The following IFNA17 variants were observed in gnomAD, a reference collection of about 807,000 sequenced individuals.
IFNA17 encodes interferon alpha-17.
For missense variants in IFNA17, 285 were observed against 212.7 expected (o/e 1.34, Z -2.11); for synonymous variants, 107 against 80.5 (o/e 1.33, Z -1.76).
Position 21,227,456 on chromosome 9 carries a change from A to G in IFNA17, c.*148T>C. On this transcript the variant is annotated 3_prime_UTR_variant, in exon 1 of 1. Coordinates refer to ENST00000413767, the MANE Select transcript of IFNA17 (RefSeq NM_021268.2). Reference sequence around the variant, plus strand: ...AGTACTAGTGCCTGCACAGGTATACACGACGCTTCTTTACACTGCTGAAAA... The same window carrying G: ...AGTACTAGTGCCTGCACAGGTATACGCGACGCTTCTTTACACTGCTGAAAA... 2 of 1,239,164 alleles carry G rather than the reference A, an allele frequency of 1.6e-6. No individual in the cohort carries two copies. The highest frequency in any genetic ancestry group is 1.1e-6 in the Non-Finnish European group (1 of 889,684). The allele number at this position is 1,239,164 out of a possible 1,614,324, so 76.8% of individuals were successfully genotyped here.
rs950938848 is a variant in IFNA17, at chr9:21,227,628, T to A, written c.546A>T (p.Gln182His). The A allele has an allele frequency of 4.3e-6, 7 of 1,612,130 alleles. No individual in the cohort carries two copies. In the African/African-American group the frequency reaches 9.4e-5, roughly 22 times the overall value. Reference sequence around the variant, plus strand: ...TTCAATCCTTCCTCCTTAATATTTTTTGCAAGTTTGTTGAAAAAGAGAGAG... The same window carrying A: ...TTCAATCCTTCCTCCTTAATATTTTATGCAAGTTTGTTGAAAAAGAGAGAG... ...MRSLSFSTNL[Q>H]KILRRKD Residue 182 changes from glutamine to histidine, a missense_variant, in exon 1 of 1, where the codon CAA (glutamine) becomes CAT (histidine). Gln to His is a conservative substitution (Grantham distance 24). Coordinates refer to ENST00000413767, the MANE Select transcript of IFNA17 (RefSeq NM_021268.2).
chr9:21,227,359 T>G lies in IFNA17; in HGVS notation c.*245A>C, dbSNP rs1405532064. On this transcript the variant is annotated 3_prime_UTR_variant, in exon 1 of 1. Transcript: ENST00000413767. Reference sequence around the variant, plus strand: ...CATGATATTACATAAAAAAATAATTTAAATCTTAAAAATAATTAAATAAAT... The same window carrying G: ...CATGATATTACATAAAAAAATAATTGAAATCTTAAAAATAATTAAATAAAT... The G allele has an allele frequency of 8.7e-6, 2 of 228,740 alleles. No homozygotes were observed. The highest frequency in any genetic ancestry group is 1.2e-4 in the Admixed American group (2 of 17,078). 14.2% of individuals were successfully genotyped at this position (228,740 alleles called of 1,614,324 possible).
chr9:21,228,114 A>T, the IFNA17 span: 11 of 1,614,096 alleles, frequency 6.8e-6, no homozygotes, highest in Non-Finnish European at 9.3e-6. Flanking sequence ...AGCCTAGAGA[A>T]CAGATGGATT....
Position 21,227,973 on chromosome 9 carries a change from A to T in IFNA17, c.201T>A (p.Asp67Glu), listed in dbSNP as rs1818651673. 1 of 1,614,054 alleles carries T rather than the reference A, an allele frequency of 6.2e-7. No homozygotes were observed. The highest frequency in any genetic ancestry group is 8.5e-7 in the Non-Finnish European group (1 of 1,179,994). Reference sequence around the variant, plus strand: ...CTTGAGTCTTCTGGAACTGGTTGCCATCAAACTCCTCCTGGGGAAGTCCAA... The same window carrying T: ...CTTGAGTCTTCTGGAACTGGTTGCCTTCAAACTCCTCCTGGGGAAGTCCAA... ...HDFGLPQEEF[D>E]GNQFQKTQAI... The change falls in exon 1 of 1, where the codon GAT (aspartate) becomes GAA (glutamate). Residue 67 changes from aspartate (D) to glutamate (E), a missense_variant. Transcript: ENST00000413767.
Position 21,227,638 on chromosome 9 carries a change from G to C in IFNA17, c.536C>G (p.Thr179Arg). The C allele has an allele frequency of 6.2e-7, 1 of 1,611,418 alleles. No homozygotes were observed. Among genetic ancestry groups the C allele is most frequent in the Non-Finnish European group, 8.5e-7 (1 of 1,179,460 alleles). The change falls in exon 1 of 1, where the codon ACA (threonine) becomes AGA (arginine). Residue 179 changes from threonine to arginine, a missense_variant. Physicochemically the swap from Thr to Arg is moderately conservative, Grantham distance 71. Coordinates refer to ENST00000413767, the MANE Select transcript of IFNA17 (RefSeq NM_021268.2). The stretch of plus-strand genomic sequence containing the variant: ...CCTCCTTAATATTTTTTGCAAGTTT[G>C]TTGAAAAAGAGAGAGATCTCATGAT... ...AEIMRSLSFS[T>R]NLQKILRRKD is the part of the protein sequence containing the mutation.
In IFNA17 at chr9:21,227,719, A is replaced by G; in HGVS notation, c.455T>C (p.Leu152Pro). ...AVRKYFQRIT[L>P]YLTEKKYSPC... ...GCTGTATTTCTTCTCTGTTAGATAAAGAGTGATTCTTTGGAAGTATTTCCT... is the reference window on the plus strand; with the variant it reads ...GCTGTATTTCTTCTCTGTTAGATAAGGAGTGATTCTTTGGAAGTATTTCCT... Residue 152 changes from leucine (L) to proline (P), a missense_variant, in exon 1 of 1, where the codon CTT becomes CCT. Leu to Pro is a moderately conservative substitution (Grantham distance 98). Coordinates refer to ENST00000413767, the MANE Select transcript of IFNA17 (RefSeq NM_021268.2). 1.2e-6 allele frequency: 2 copies of G among 1,614,052 alleles called. No homozygotes were observed. Among genetic ancestry groups the G allele is most frequent in the Non-Finnish European group, 1.7e-6 (2 of 1,179,964 alleles).
In IFNA17 at chr9:21,228,041, C is replaced by G. The variant is rs12552812; in HGVS notation, c.133G>C (p.Gly45Arg). ...AGGCAGGAGAAAGGAGAGATTCTTC[C>G]CATTTGTGCCAGGAGTATCAAGGCC... ...RRALILLAQM[G>R]RISPFSCLKD... The change falls in exon 1 of 1, where the codon GGA becomes CGA. Residue 45 changes from glycine (G) to arginine (R), a missense_variant. Coordinates refer to ENST00000413767, the MANE Select transcript of IFNA17 (RefSeq NM_021268.2). 0.19 allele frequency: 306,357 copies of G among 1,613,294 alleles called. 34,309 individuals are homozygous for G. The highest frequency in any genetic ancestry group is 0.54 in the East Asian group (24,338 of 44,814).
Position 21,227,889 on chromosome 9 carries a change from G to A in IFNA17, c.285C>T (p.Asp95=), listed in dbSNP as rs1298510141. ...GGCTCTGTTCCCAAGCAGCAGATGA[G>A]TCCTCTGTGCTGAAGAGATTGAAGG... The part of the protein sequence containing the change: ...QQTFNLFSTE[D]SSAAWEQSLL... The change falls in exon 1 of 1, where the codon GAC becomes GAT. Residue 95 remains aspartate, a synonymous_variant. Coordinates refer to ENST00000413767, the MANE Select transcript of IFNA17 (RefSeq NM_021268.2). 20 of 1,613,814 alleles carry A rather than the reference G, an allele frequency of 1.2e-5. No homozygotes were observed. Among genetic ancestry groups the A allele is most frequent in the African/African-American group, 2.7e-5 (2 of 74,998 alleles).
rs1200295622 is a variant in IFNA17 at position 21,228,056 on chromosome 9, G to A, written c.118C>T (p.Leu40Phe). Residue 40 changes from leucine (L) to phenylalanine (F), a missense_variant, in exon 1 of 1, where the codon CTC becomes TTC. Physicochemically the swap from Leu to Phe is conservative, Grantham distance 22 (BLOSUM62 0). Coordinates refer to ENST00000413767, the MANE Select transcript of IFNA17 (RefSeq NM_021268.2). The stretch of plus-strand genomic sequence containing the variant: ...GAGATTCTTCCCATTTGTGCCAGGA[G>A]TATCAAGGCCCTCCTATTACCCAGG... ...HSLGNRRALI[L>F]LAQMGRISPF... 3.7e-6 allele frequency: 6 copies of A among 1,613,988 alleles called. No homozygotes were observed. The highest frequency in any genetic ancestry group is 5.1e-6 in the Non-Finnish European group (6 of 1,180,036).
Position 21,227,922 on chromosome 9 carries a change from G to T in IFNA17, c.252C>A (p.Ile84=). The change falls in exon 1 of 1, where the codon ATC becomes ATA. Residue 84 remains isoleucine (I), a synonymous_variant. Coordinates refer to ENST00000413767, the MANE Select transcript of IFNA17 (RefSeq NM_021268.2). The part of the protein sequence containing the change: ...TQAISVLHEM[I]QQTFNLFSTE... ...TGCTGAAGAGATTGAAGGTCTGCTG[G>T]ATCATCTCATGGAGGACAGAGATGG... 1 of 1,613,856 alleles carries T rather than the reference G, an allele frequency of 6.2e-7. No homozygotes were observed.
rs1197738464 is a variant in IFNA17, at chr9:21,227,538, A to G, written c.*66T>C. 6.3e-7 allele frequency: 1 copy of G among 1,586,970 alleles called. No homozygotes were observed. The highest frequency in any genetic ancestry group is 8.5e-7 in the Non-Finnish European group (1 of 1,170,046). ...TTATAGAAGTGAGTCTTTGAAATGG[A>G]GGAACTCATGAAAGTGTGAGATAAT... On this transcript the variant is annotated 3_prime_UTR_variant, in exon 1 of 1. Transcript: ENST00000413767.
rs377248283 is a variant in IFNA17 at position 21,228,022 on chromosome 9, G to T, written c.152C>A (p.Ser51Tyr). ...AAAGTCATGTCTGTCCTTCAGGCAG[G>T]AGAAAGGAGAGATTCTTCCCATTTG... ...LAQMGRISPF[S>Y]CLKDRHDFGL... is the part of the protein sequence containing the mutation. The change falls in exon 1 of 1, where the codon TCC becomes TAC. Residue 51 changes from serine to tyrosine, a missense_variant. Physicochemically the swap from Ser to Tyr is moderately radical, Grantham distance 144. Coordinates refer to ENST00000413767, the MANE Select transcript of IFNA17 (RefSeq NM_021268.2). 1.9e-5 allele frequency: 31 copies of T among 1,614,000 alleles called. No homozygotes were observed. Among genetic ancestry groups the T allele is most frequent in the Non-Finnish European group, 2.5e-5 (30 of 1,180,044 alleles).
Position 21,227,871 on chromosome 9 carries a change from T to C in IFNA17, c.303A>G (p.Glu101=), listed in dbSNP as rs756182329. The C allele has an allele frequency of 6.8e-6, 11 of 1,613,616 alleles. No individual in the cohort carries two copies. The Admixed American group carries it at 1.0e-4, about 15-fold the overall frequency. ...TGGAAAATTTTTCTAGGAGGCTCTG[T>C]TCCCAAGCAGCAGATGAGTCCTCTG... ...FSTEDSSAAW[E]QSLLEKFSTE... Residue 101 remains glutamate, a synonymous_variant, in exon 1 of 1, where the codon GAA becomes GAG. Coordinates refer to ENST00000413767, the MANE Select transcript of IFNA17 (RefSeq NM_021268.2).
Position 21,227,326 on chromosome 9 carries a change from A to C in IFNA17, c.*278T>G, listed in dbSNP as rs1176185345. ...ATATTGTTACATTCACCACAATGTA[A>C]AGGTACACATGATATTACATAAAAA... On this transcript the variant is annotated 3_prime_UTR_variant, in exon 1 of 1. Transcript: ENST00000413767. The C allele has an allele frequency of 5.8e-6, 1 of 172,768 alleles. No individual in the cohort carries two copies. The highest frequency in any genetic ancestry group is 1.2e-5 in the Non-Finnish European group (1 of 81,184). 10.7% of individuals were successfully genotyped at this position (172,768 alleles called of 1,614,324 possible).
chr9:21,227,714 G>C lies in IFNA17; in HGVS notation c.460C>G (p.Leu154Val). ...CAAGGGCTGTATTTCTTCTCTGTTAGATAAAGAGTGATTCTTTGGAAGTAT... is the reference window on the plus strand; with the variant it reads ...CAAGGGCTGTATTTCTTCTCTGTTACATAAAGAGTGATTCTTTGGAAGTAT... ...RKYFQRITLY[L>V]TEKKYSPCAW... Residue 154 changes from leucine to valine, a missense_variant, in exon 1 of 1, where the codon CTA becomes GTA. Leu to Val is a conservative substitution (Grantham distance 32, BLOSUM62 1). Transcript: ENST00000413767. The C allele has an allele frequency of 6.2e-7, 1 of 1,614,002 alleles. No homozygotes were observed. Among genetic ancestry groups the C allele is most frequent in the Non-Finnish European group, 8.5e-7 (1 of 1,179,956 alleles).
rs772136266 is a variant in IFNA17, at chr9:21,228,197, G to T, written c.-24C>A. ...ATTGGGATGTTGCAAATGTTGCTAG[G>T]CTACTTGAGATGGGTAACCTTGAAC... On this transcript the variant is annotated 5_prime_UTR_variant, in exon 1 of 1. Coordinates refer to ENST00000413767, the MANE Select transcript of IFNA17 (RefSeq NM_021268.2). 1 of 1,596,972 alleles carries T rather than the reference G, an allele frequency of 6.3e-7. No individual in the cohort carries two copies. The highest frequency in any genetic ancestry group is 1.7e-5 in the Admixed American group (1 of 57,712).
chr9:21,227,551 A>G lies in IFNA17; in HGVS notation c.*53T>C. ...TCTTTGAAATGGAGGAACTCATGAAAGTGTGAGATAATGTATTAGTCAATC... is the reference window on the plus strand; with the variant it reads ...TCTTTGAAATGGAGGAACTCATGAAGGTGTGAGATAATGTATTAGTCAATC... On this transcript the variant is annotated 3_prime_UTR_variant, in exon 1 of 1. Transcript: ENST00000413767. The G allele has an allele frequency of 1.3e-6, 2 of 1,592,960 alleles. No homozygotes were observed. The highest frequency in any genetic ancestry group is 2.3e-5 in the South Asian group (2 of 87,550).
Position 21,227,451 on chromosome 9 carries a change from T to A in IFNA17, c.*153A>T. On this transcript the variant is annotated 3_prime_UTR_variant, in exon 1 of 1. Coordinates refer to ENST00000413767, the MANE Select transcript of IFNA17 (RefSeq NM_021268.2). ...TGTAAAGTACTAGTGCCTGCACAGG[T>A]ATACACGACGCTTCTTTACACTGCT... The A allele has an allele frequency of 8.9e-7, 1 of 1,119,228 alleles. No individual in the cohort carries two copies. The highest frequency in any genetic ancestry group is 1.3e-6 in the Non-Finnish European group (1 of 783,510). The allele number at this position is 1,119,228 out of a possible 1,614,324, so 69.3% of individuals were successfully genotyped here.
Position 21,227,246 on chromosome 9 carries a change from T to A in IFNA17, c.*358A>T, listed in dbSNP as rs992604754. The stretch of plus-strand genomic sequence containing the variant: ...ATAAACAAACACAAGAAATTTTGTA[T>A]AGTAAAAATTTAATGAAAAAGGAAA... On this transcript the variant is annotated 3_prime_UTR_variant, in exon 1 of 1. Coordinates refer to ENST00000413767, the MANE Select transcript of IFNA17 (RefSeq NM_021268.2). 6.6e-6 allele frequency: 1 copy of A among 152,624 alleles called. No homozygotes were observed. Among genetic ancestry groups the A allele is most frequent in the Non-Finnish European group, 1.5e-5 (1 of 68,378 alleles). The allele number at this position is 152,624 out of a possible 1,614,324, so 9.5% of individuals were successfully genotyped here.
Sources: gnomAD v4.1 joint callset for allele counts on GRCh38, gnomAD v4.1.1 for gene constraint, MANE v1.5 for transcripts, NCBI Gene and HGNC (gene_info 2026-07-23, HGNC 2026-07-21) for gene names.